The following PCDHA6 variants were observed in gnomAD, a reference collection of about 807,000 sequenced individuals.
The protein encoded by PCDHA6 is protocadherin alpha-6.
Under a neutral mutation model 60.3 loss-of-function variants are expected in PCDHA6, and 55 were observed. The ratio of observed to expected loss-of-function variants is 0.91; its 90% CI spans 0.73 to 1.14. The LOEUF is 1.14. Ranked by LOEUF, PCDHA6 falls within the 50% of genes most tolerant of loss-of-function variation. The pLI is 0.00. For synonymous variants in PCDHA6, 652 were observed against 557.9 expected (o/e 1.17, Z -2.38); for missense variants, 1,327 against 1,256.5 (o/e 1.06, Z -0.85).
chr5:140,854,993 C>T lies in PCDHA6; in HGVS notation c.2394+24508C>T, dbSNP rs781816835. Among the ~76,000 whole-genome samples, 37 of 149,404 alleles carry T rather than the reference C, an allele frequency of 2.5e-4. 3 individuals carry two copies. The highest frequency in any genetic ancestry group is 4.7e-4 in the Admixed American group (7 of 14,878). ...AATTATAATTAAGATTCTTTTTGCC[C>T]GTGTAAGATATTATAAAATGAAACT... is the stretch of plus-strand genomic sequence containing the variant. On this transcript the variant is annotated intron_variant, in intron 1 of 3. Coordinates refer to ENST00000529310, the MANE Select transcript of PCDHA6 (RefSeq NM_018909.4).
At chr5:140,935,382 T>G (rs1475831801) in intron 1 of PCDHA6, among the ~76,000 whole-genome samples, 1 of 152,218 alleles carries the variant, frequency 6.6e-6, no homozygotes, top group Non-Finnish European at 1.5e-5. Flanking sequence ...AATTACTCAT[T>G]TGTTATCCCA....
intron 1 of PCDHA6, among the ~76,000 whole-genome samples, chr5:140,924,898 AAAAAAAATAAAAT>A (rs1214088536): frequency 1.9e-4 from 10 of 53,034 alleles, no homozygotes; most frequent in Non-Finnish European, 1.3e-4. Context: ...CTGTCTCAAA[AAAAAAAATAAAAT>A]AAAATAAAAT....
chr5:140,901,953 G>A (rs545807968), intron 1 of PCDHA6, among the ~76,000 whole-genome samples: 8 of 151,830 alleles, frequency 5.3e-5, no homozygotes, highest in Non-Finnish European at 7.4e-5. Flanking sequence ...AGTTTTATTC[G>A]TGGCTATCGT....
chr5:140,885,819 A>G (rs1488283542), intron 1 of PCDHA6, among the ~76,000 whole-genome samples: 1 of 152,032 alleles, frequency 6.6e-6, no homozygotes, highest in Non-Finnish European at 1.5e-5. Flanking sequence ...TTTGTATTTG[A>G]TCTTCTTTGA....
intron 2 of PCDHA6, among the ~76,000 whole-genome samples, chr5:140,981,682 C>T (rs2096944253): frequency 6.6e-6 from 1 of 151,668 alleles, no homozygotes; most frequent in South Asian, 2.1e-4. Flanking sequence ...TCCTTCCTCC[C>T]TTCCATCATT....
At chr5:140,831,351 C>T (rs1307103488) in intron 1 of PCDHA6, 1 of 129,732 alleles carries the variant, frequency 7.7e-6, no homozygotes, top group African/African-American at 3.0e-5. Flanking sequence ...TTAAACTATT[C>T]ACTATTTTGT....
rs2098413689 is a variant in PCDHA6, at chr5:141,009,672, A to G, written c.2588A>G (p.Asn863Ser). Residue 863 changes from asparagine to serine, a missense_variant, in exon 4 of 4, where the codon AAC becomes AGC. Physicochemically the swap from Asn to Ser is conservative, Grantham distance 46. Transcript: ENST00000529310. The stretch of plus-strand genomic sequence containing the variant: ...TCCCCTCCAGTCGGTGCGGGTGTCA[A>G]CAGCAACAGCTGGACCTTTAAATAC... ...EVSPPVGAGV[N>S]SNSWTFKYGP... is the part of the protein sequence containing the mutation. 6.2e-7 allele frequency: 1 copy of G among 1,614,102 alleles called. No homozygotes were observed. The highest frequency in any genetic ancestry group is 1.1e-5 in the South Asian group (1 of 91,070).
intron 1 of PCDHA6, chr5:140,928,055 C>T (rs1554205406): frequency 8.1e-6 from 13 of 1,614,066 alleles, no homozygotes; most frequent in South Asian, 3.3e-5. Context: ...TTTCAGCTGA[C>T]GGCTTCCTTT....
At chr5:140,870,606 C>T (rs781958673) in intron 1 of PCDHA6, 24 of 1,613,142 alleles carry the variant, frequency 1.5e-5, no homozygotes, top group Non-Finnish European at 3.4e-6. Flanking sequence ...TGGGCGACCG[C>T]GCGCTGTCGA....
At chr5:140,943,688 G>A (rs2093547294) in intron 1 of PCDHA6, among the ~76,000 whole-genome samples, 1 of 152,170 alleles carries the variant, frequency 6.6e-6, no homozygotes. Context: ...AAGGGATAAG[G>A]TCAAAATATT....
At chr5:140,862,599 G>A (rs2047441695) in intron 1 of PCDHA6, 1 of 513,082 alleles carries the variant, frequency 1.9e-6, no homozygotes, top group East Asian at 5.2e-5. Context: ...AGTACATGGT[G>A]TTCGTGAAAG....
At chr5:141,007,712 A>G (rs2098342161) in intron 3 of PCDHA6, among the ~76,000 whole-genome samples, 1 of 152,170 alleles carries the variant, frequency 6.6e-6, no homozygotes, top group Non-Finnish European at 1.5e-5. Context: ...GCCTCCCACC[A>G]CCAGGGAGAA....
Position 141,009,659 on chromosome 5 carries a change from G to A in PCDHA6, c.2575G>A (p.Gly859Ser), listed in dbSNP as rs781996586. 3.0e-5 allele frequency: 48 copies of A among 1,613,808 alleles called. No individual in the cohort carries two copies. Among genetic ancestry groups the A allele is most frequent in the East Asian group, 4.5e-5 (2 of 44,878 alleles). The change falls in exon 4 of 4, where the codon GGT becomes AGT. Residue 859 changes from glycine (G) to serine (S), a missense_variant. Coordinates refer to ENST00000529310, the MANE Select transcript of PCDHA6 (RefSeq NM_018909.4). ...GGCAGGAGAAGTGTCCCCTCCAGTC[G>A]GTGCGGGTGTCAACAGCAACAGCTG... is the stretch of plus-strand genomic sequence containing the variant. ...PEAGEVSPPV[G>S]AGVNSNSWTF...
rs2150168443 is a variant in PCDHA6, at chr5:140,829,466, G to C, written c.1375G>C (p.Glu459Gln). ...CAATGCTCCGGCGTTCGCGCAGCCC[G>C]AGTACACAGTGTTCGTGAAGGAGAA... ...NDNAPAFAQP[E>Q]YTVFVKENNP... The change falls in exon 1 of 4, where the codon GAG (glutamate) becomes CAG (glutamine). Residue 459 changes from glutamate to glutamine, a missense_variant. Coordinates refer to ENST00000529310, the MANE Select transcript of PCDHA6 (RefSeq NM_018909.4). 1 of 1,613,882 alleles carries C rather than the reference G, an allele frequency of 6.2e-7. No homozygotes were observed. The highest frequency in any genetic ancestry group is 2.2e-5 in the East Asian group (1 of 44,882).
chr5:140,861,426 T>G (rs1451953787), intron 1 of PCDHA6: 8 of 485,290 alleles, frequency 1.6e-5, no homozygotes, highest in South Asian at 1.1e-4. Flanking sequence ...CCTGTTTCAG[T>G]TGGATTCCAA....
At chr5:140,942,467 A>C (rs1428565418) in intron 1 of PCDHA6, among the ~76,000 whole-genome samples, 1 of 152,142 alleles carries the variant, frequency 6.6e-6, no homozygotes, top group Non-Finnish European at 1.5e-5. Context: ...AATACAATCA[A>C]ATTCAAGCTA....
intron 1 of PCDHA6, among the ~76,000 whole-genome samples, chr5:140,912,304 C>T (rs904729298): frequency 6.6e-6 from 1 of 151,998 alleles, no homozygotes; most frequent in Admixed American, 6.6e-5. Flanking sequence ...TCCTGTAATC[C>T]AGTCAAGTTG....
intron 1 of PCDHA6, chr5:140,849,861 G>A (rs2150454483): frequency 1.9e-6 from 3 of 1,598,586 alleles, no homozygotes; most frequent in Admixed American, 3.4e-5. Context: ...ACCAGCGTTC[G>A]CGCAGTCCGA....
intron 1 of PCDHA6, chr5:140,883,418 C>G: frequency 6.2e-7 from 1 of 1,614,172 alleles, no homozygotes; most frequent in Non-Finnish European, 8.5e-7. Context: ...CTCAAATGGA[C>G]AGGTCACCTG....
Sources: gnomAD v4.1 joint callset for allele counts (sites outside exome capture counted in the v4.1 genomes callset) on GRCh38, gnomAD v4.1.1 for gene constraint, MANE v1.5 for transcripts, NCBI Gene and HGNC (gene_info 2026-07-23, HGNC 2026-07-21) for gene names.